The following NAA25 variants were observed in gnomAD, a reference collection of about 807,000 sequenced individuals.
NAA25 encodes the protein N-alpha-acetyltransferase 25, NatB auxiliary subunit.
Under a neutral mutation model 132.5 loss-of-function variants are expected in NAA25, and 30 were observed. The ratio of observed to expected loss-of-function variants is 0.23; its 90% CI spans 0.17 to 0.31. The LOEUF (loss-of-function observed/expected upper bound fraction) is 0.31. Ranked by LOEUF, NAA25 falls within the 10% of genes least tolerant of loss-of-function variation. NAA25 has a pLI of 1.00. For synonymous variants in NAA25, 359 were observed against 401.9 expected, an observed-to-expected ratio of 0.89 and a Z score of 1.28; for missense variants, 771 against 1,150.4, an observed-to-expected ratio of 0.67 and a Z score of 4.77.
At chr12:112,069,461 C>A (rs2078770489) in intron 10 of NAA25, among the ~76,000 whole-genome samples, 1 of 152,116 alleles carries the variant, frequency 6.6e-6, no homozygotes, top group Non-Finnish European at 1.5e-5. Flanking sequence ...CAAGATCATG[C>A]CACTGCACTC....
In NAA25 at chr12:112,080,158, G is replaced by A. The variant is rs577886583; in HGVS notation, c.477+902C>T. ...TAGCCGGGCATGGTAGCAGATGCTT[G>A]TAGTCCCAGCTACTCAGGAGGCTGA... On this transcript the variant is annotated intron_variant, in intron 5 of 23. Transcript: ENST00000261745. Among the ~76,000 whole-genome samples the A allele has an allele frequency of 1.5e-3, 226 of 151,592 alleles. 4 individuals carry two copies. Among genetic ancestry groups the A allele is most frequent in the Non-Finnish European group, 4.7e-4 (32 of 67,902 alleles).
chr12:112,054,708 A>C, intron 13 of NAA25, 140 bp from the exon 14 acceptor site: 1 of 718,802 alleles, frequency 1.4e-6, no homozygotes, highest in Non-Finnish European at 2.2e-6. Flanking sequence ...TTAGATATAC[A>C]CCTGTAACCA....
chr12:112,074,203 C>T (rs1312123270), intron 9 of NAA25, among the ~76,000 whole-genome samples: 5 of 151,824 alleles, frequency 3.3e-5, no homozygotes, highest in Non-Finnish European at 5.9e-5. Flanking sequence ...TAGCTGAGCA[C>T]GGCGGTGGGC....
At chr12:112,098,533 C>T (rs1441436890) in intron 1 of NAA25, among the ~76,000 whole-genome samples, 1 of 152,010 alleles carries the variant, frequency 6.6e-6, no homozygotes, top group Non-Finnish European at 1.5e-5. Flanking sequence ...CTTAGTAAGT[C>T]TTTTTAAAAA....
At position 112,029,547 on chromosome 12, in the gene NAA25, T is replaced by G. The variant is rs781353002; in HGVS notation, c.2903A>C (p.Lys968Thr). 4 of 1,614,108 alleles carry G rather than the reference T, an allele frequency of 2.5e-6. No individual in the cohort carries two copies. The highest frequency in any genetic ancestry group is 1.1e-5 in the South Asian group (1 of 91,080). Residue 968 changes from lysine to threonine, a missense_variant, in exon 24 of 24, where the codon AAG becomes ACG. Lys to Thr is a moderately conservative substitution (Grantham distance 78). Transcript: ENST00000261745. ...GATACTTCCTTAAATTTTTAGTTTC[T>G]TTGTGGTCTCAAGTCTTTTTTTCAG... ...ELLKKRLETT[K>T]KLKI
chr12:112,070,412 T>C (rs1458512967), intron 10 of NAA25, among the ~76,000 whole-genome samples: 1 of 152,182 alleles, frequency 6.6e-6, no homozygotes, highest in East Asian at 1.9e-4. Context: ...CAGTTATAAA[T>C]TGCTAATTCC....
intron 17 of NAA25, among the ~76,000 whole-genome samples, chr12:112,044,383 A>G (rs1018247790): frequency 2.6e-5 from 4 of 151,896 alleles, no homozygotes; most frequent in African/African-American, 9.7e-5. Flanking sequence ...TTAACAGGTC[A>G]TTTTTGGCTG....
chr12:112,087,706 C>A lies in NAA25; in HGVS notation c.379G>T (p.Gly127Cys), dbSNP rs1434580542. The change falls in exon 4 of 24, where the codon GGT (glycine) becomes TGT (cysteine). Residue 127 changes from glycine to cysteine, a missense_variant. Gly to Cys is a radical substitution (Grantham distance 159, BLOSUM62 -3). Transcript: ENST00000261745. Reference sequence around the variant, plus strand: ...ACCTGTTGCATTTTCTTGTATTCACCCACTCTGGCATAGGCCATGAAGAGG... The same window carrying A: ...ACCTGTTGCATTTTCTTGTATTCACACACTCTGGCATAGGCCATGAAGAGG... ...SHLFMAYARV[G>C]EYKKMQQAGM... The A allele has an allele frequency of 1.2e-6, 2 of 1,613,470 alleles. No homozygotes were observed. The highest frequency in any genetic ancestry group is 2.7e-5 in the African/African-American group (2 of 74,924).
In NAA25 at chr12:112,061,334, G is replaced by C; in HGVS notation, c.1204C>G (p.Leu402Val). 6.2e-7 allele frequency: 1 copy of C among 1,614,150 alleles called. No individual in the cohort carries two copies. The highest frequency in any genetic ancestry group is 8.5e-7 in the Non-Finnish European group (1 of 1,180,034). Residue 402 changes from leucine to valine, a missense_variant, in exon 12 of 24, where the codon CTG becomes GTG. Around this residue, in one of 3 missense-constraint regions of NAA25, gnomAD observed 417 missense variants for 733.8 expected, o/e 0.57. Transcript: ENST00000261745. ...GCTCTGATGTCAGCAGGCAGTGCCA[G>C]CTTATCCTCTGTTGGTGTCGACAAA... ...VPLSTPTEDK[L>V]ALPADIRALQ...
Position 112,028,794 on chromosome 12 carries a change from T to C in NAA25, c.*737A>G, listed in dbSNP as rs1014758130. ...AGTCCTCAGCGGGCTTAATAAGTGG[T>C]CTGCACTGCTTTCCCCTCTAAACAG... On this transcript the variant is annotated 3_prime_UTR_variant, in exon 24 of 24. Coordinates refer to ENST00000261745, the MANE Select transcript of NAA25 (RefSeq NM_024953.4). 2 of 152,198 alleles carry C rather than the reference T, an allele frequency of 1.3e-5. No homozygotes were observed. The highest frequency in any genetic ancestry group is 4.8e-5 in the African/African-American group (2 of 41,440). The allele number at this position is 152,198 out of a possible 1,614,324, so 9.4% of individuals were successfully genotyped here.
chr12:112,095,310 G>A (rs1198289022), intron 1 of NAA25, among the ~76,000 whole-genome samples: 1 of 151,904 alleles, frequency 6.6e-6, no homozygotes, highest in East Asian at 1.9e-4. Context: ...GGTGGCGGGT[G>A]CCTGTAGTCC....
rs1460796463 is a variant in NAA25, at chr12:112,028,623, T to C, written c.*908A>G. On this transcript the variant is annotated 3_prime_UTR_variant, in exon 24 of 24. Transcript: ENST00000261745. ...ATTAAATCTTAATTTTCAAGTCATA[T>C]ATATATGTGTATATATATATATGTA... is the stretch of plus-strand genomic sequence containing the variant. 6.6e-6 allele frequency: 1 copy of C among 152,068 alleles called. No individual in the cohort carries two copies. The highest frequency in any genetic ancestry group is 1.5e-5 in the Non-Finnish European group (1 of 68,006). 9.4% of individuals were successfully genotyped at this position (152,068 alleles called of 1,614,324 possible).
At chr12:112,094,240 C>CAAAAAAAAAAAAAAAAAAAAAAAAAAAA (rs199734463) in intron 1 of NAA25, among the ~76,000 whole-genome samples, 2 of 69,286 alleles carry the variant, frequency 2.9e-5, no homozygotes, top group Non-Finnish European at 6.4e-5. Flanking sequence ...GACTCTGTCT[C>CAAAAAAAAAAAAAAAAAAAAAAAAAAAA]AAAAAAAAAA....
chr12:112,067,988 T>C (rs1566016106), intron 11 of NAA25, among the ~76,000 whole-genome samples: 2 of 152,154 alleles, frequency 1.3e-5, no homozygotes, highest in Non-Finnish European at 2.9e-5. Flanking sequence ...TCCACCCACC[T>C]CAGCCTCCCA....
At chr12:112,086,231 C>T (rs919859099) in intron 4 of NAA25, among the ~76,000 whole-genome samples, 4 of 151,308 alleles carry the variant, frequency 2.6e-5, no homozygotes, top group Non-Finnish European at 4.4e-5. Context: ...CGCACTGGCT[C>T]ACATCTGTAA....
chr12:112,068,861 TA>T lies in NAA25; in HGVS notation c.1149+18del. The T allele has an allele frequency of 7.0e-7, 1 of 1,432,778 alleles. No homozygotes were observed. Among genetic ancestry groups the T allele is most frequent in the Non-Finnish European group, 9.6e-7 (1 of 1,039,380 alleles). 88.8% of individuals were successfully genotyped at this position (1,432,778 alleles called of 1,614,324 possible). A position where few individuals can be genotyped will look rare whatever the true frequency, so the allele number is the denominator to read the frequency against. On this transcript the variant is annotated intron_variant, in intron 11 of 23. Transcript: ENST00000261745. ...CAAATAGAGGCACCCAACAAACTTC[TA>T]AACTGTATAGTACTTACTTTTGTAC...
At chr12:112,078,897 T>G (rs1429927449) in intron 5 of NAA25, among the ~76,000 whole-genome samples, 156 bp from the exon 6 acceptor site, 1 of 152,202 alleles carries the variant, frequency 6.6e-6, no homozygotes, top group Non-Finnish European at 1.5e-5. Context: ...ACGGAGCAGT[T>G]TGTTTTACAA....
At chr12:112,068,848 C>T in intron 11 of NAA25, 32 bp downstream of exon 11, 1 of 1,225,134 alleles carries the variant, frequency 8.2e-7, no homozygotes, top group Non-Finnish European at 1.2e-6. Flanking sequence ...AATAGAGGCA[C>T]CCAACAAACT....
chr12:112,054,417 A>G lies in NAA25; in HGVS notation c.1599T>C (p.Asp533=), dbSNP rs1164308320. 6 of 1,614,060 alleles carry G rather than the reference A, an allele frequency of 3.7e-6. No individual in the cohort carries two copies. The highest frequency in any genetic ancestry group is 5.1e-6 in the Non-Finnish European group (6 of 1,180,006). Residue 533 remains aspartate, a synonymous_variant, in exon 14 of 24, where the codon GAT becomes GAC. Coordinates refer to ENST00000261745, the MANE Select transcript of NAA25 (RefSeq NM_024953.4). ...EPVVDLYSSL[D]AKHIQHDTIG... is the part of the protein sequence containing the mutation. ...TGGTATCATGCTGGATATGCTTAGC[A>G]TCGAGGCTGGAGTAAAGATCCACCA...
Sources: allele counts gnomAD v4.1 joint callset (sites outside exome capture counted in the v4.1 genomes callset), GRCh38; gene constraint gnomAD v4.1.1; regional missense constraint gnomAD v4.1.1; transcripts MANE v1.5; gene names NCBI Gene and HGNC (gene_info 2026-07-23, HGNC 2026-07-21).